EFHD2: variants seen among roughly 807,000 people sequenced by gnomAD.
EFHD2 encodes the protein EF-hand domain family member D2.
A neutral mutation model predicts 20.3 loss-of-function variants in EFHD2; 12 were observed. The ratio of observed to expected loss-of-function variants is 0.59; its 90% CI spans 0.38 to 0.96. The LOEUF (loss-of-function observed/expected upper bound fraction) is 0.96. Ranked by LOEUF, EFHD2 falls within the 40% of genes least tolerant of loss-of-function variation. The probability of loss-of-function intolerance (pLI) is 0.00; values close to 1 mark genes in which losing one functional copy is unlikely to be tolerated. For synonymous variants in EFHD2, 131 were observed against 143.9 expected (o/e 0.91, Z 0.64); for missense variants, 250 against 334.3 (o/e 0.75, Z 1.97).
At chr1:15,425,718 G>C (rs1330880227) in intron 1 of EFHD2, among the ~76,000 whole-genome samples, 153 bp from the exon 2 acceptor site, 1 of 152,054 alleles carries the variant, frequency 6.6e-6, no homozygotes, top group Non-Finnish European at 1.5e-5. Context: ...AGCCACATAT[G>C]GGTCCTCTGC....
chr1:15,414,062 C>T (rs1707602426), intron 1 of EFHD2, among the ~76,000 whole-genome samples: 1 of 152,188 alleles, frequency 6.6e-6, no homozygotes, highest in Non-Finnish European at 1.5e-5. Context: ...AGCGGGGGCT[C>T]TGGAGGGTTT....
chr1:15,419,470 G>A lies in EFHD2; in HGVS notation c.309-6401G>A, dbSNP rs540988854. 5.9e-5 allele frequency among the ~76,000 whole-genome samples: 9 copies of A among 152,332 alleles called. No homozygotes were observed. The South Asian group carries it at 1.9e-3, about 32-fold the overall frequency. ...GGCACCAAGCTGGGCTCTCAGTCCA[G>A]CCTCCACTGGCCCTGCAAGCTTGAG... On this transcript the variant is annotated intron_variant, in intron 1 of 3. Coordinates refer to ENST00000375980, the MANE Select transcript of EFHD2 (RefSeq NM_024329.6).
chr1:15,428,155 G>A (rs951593364), intron 3 of EFHD2: 60 of 369,168 alleles, frequency 1.6e-4, no homozygotes, highest in Non-Finnish European at 2.8e-4. Flanking sequence ...TTGTGTTGCT[G>A]GGCAGGACTC....
At position 15,426,038 on chromosome 1, in the gene EFHD2, C is replaced by G; in HGVS notation, c.456+20C>G. 3 of 1,553,896 alleles carry G rather than the reference C, an allele frequency of 1.9e-6. No individual in the cohort carries two copies. The highest frequency in any genetic ancestry group is 2.6e-6 in the Non-Finnish European group (3 of 1,153,952). ...CGGGAGGTAAGCCCGGCCCCCAGCC[C>G]CACTCCCCTACCAGGGGCTTCACCT... On this transcript the variant is annotated intron_variant, in intron 2 of 3. Coordinates refer to ENST00000375980, the MANE Select transcript of EFHD2 (RefSeq NM_024329.6). This position sits in a 1 kb window ranked among gnomAD's most constrained non-coding sequence, Gnocchi z 4.6.
intron 1 of EFHD2, among the ~76,000 whole-genome samples, chr1:15,423,717 C>T (rs966879173): frequency 2.0e-5 from 3 of 152,084 alleles, no homozygotes; most frequent in Non-Finnish European, 4.4e-5. Context: ...CTAGAGAAGG[C>T]GAAAGGAGCT....
At chr1:15,422,558 A>C (rs1328872078) in intron 1 of EFHD2, among the ~76,000 whole-genome samples, 1 of 151,306 alleles carries the variant, frequency 6.6e-6, no homozygotes, top group African/African-American at 2.4e-5. Flanking sequence ...CATGCACCCC[A>C]GCTTAAGAGA....
chr1:15,412,717 G>A lies in EFHD2; in HGVS notation c.308+2438G>A, dbSNP rs542264756. 2.6e-5 allele frequency among the ~76,000 whole-genome samples: 4 copies of A among 152,322 alleles called. No individual in the cohort carries two copies. The South Asian group carries it at 8.3e-4, about 32-fold the overall frequency. On this transcript the variant is annotated intron_variant, in intron 1 of 3. Coordinates refer to ENST00000375980, the MANE Select transcript of EFHD2 (RefSeq NM_024329.6). ...GAGAACCCAGACACTTCAAATGAGC[G>A]GGACTTGGGAGGCTGCAGTGTGGTT...
intron 1 of EFHD2, 31 bp downstream of exon 1, chr1:15,410,310 C>T (rs746112375): frequency 3.9e-6 from 6 of 1,551,598 alleles, no homozygotes; most frequent in African/African-American, 1.4e-5. Flanking sequence ...GCCCCCCGCC[C>T]GCCCCGCGAC....
At chr1:15,417,313 G>A (rs75937809) in intron 1 of EFHD2, among the ~76,000 whole-genome samples, 1 of 152,166 alleles carries the variant, frequency 6.6e-6, no homozygotes, top group Non-Finnish European at 1.5e-5. Flanking sequence ...TAAACACTGG[G>A]TTATGTTAAT....
intron 1 of EFHD2, among the ~76,000 whole-genome samples, chr1:15,415,544 A>C (rs879639646): frequency 1.3e-5 from 2 of 149,854 alleles, no homozygotes; most frequent in Non-Finnish European, 3.0e-5. Flanking sequence ...GCTGAAGTAC[A>C]GTGGCATGAT....
At chr1:15,422,756 G>A (rs1039886106) in intron 1 of EFHD2, among the ~76,000 whole-genome samples, 3 of 152,222 alleles carry the variant, frequency 2.0e-5, no homozygotes, top group Middle Eastern at 3.4e-3. Flanking sequence ...AGCTACTCAG[G>A]AGGCTGAGGC....
Position 15,410,178 on chromosome 1 carries a change from C to G in EFHD2, c.207C>G (p.Ile69Met), listed in dbSNP as rs748684556. 2.5e-6 allele frequency: 4 copies of G among 1,604,916 alleles called. No individual in the cohort carries two copies. In the African/African-American group the frequency reaches 5.4e-5, roughly 22 times the overall value. Residue 69 changes from isoleucine (I) to methionine (M), a missense_variant, in exon 1 of 4, where the codon ATC becomes ATG. Transcript: ENST00000375980. ...GGCGCGCAGACCTCAACCAGGGCAT[C>G]GGCGAGCCCCAGTCGCCCAGCCGCC... ...LLRRADLNQG[I>M]GEPQSPSRRV... is the part of the protein sequence containing the mutation.
rs560939638 is a variant in EFHD2 at position 15,427,777 on chromosome 1, C to A, written c.591+493C>A. On this transcript the variant is annotated intron_variant, in intron 3 of 3. Transcript: ENST00000375980. ...TAGTGGCTCCTGGGTCCTGCCCACC[C>A]GGGGCCCCAGCTCTCCCGCCTTGTT... 1.5e-3 allele frequency: 600 copies of A among 387,848 alleles called. 2 individuals carry two copies. Among genetic ancestry groups the A allele is most frequent in the Non-Finnish European group, 2.8e-3 (530 of 190,054 alleles). 24.0% of individuals were successfully genotyped at this position (387,848 alleles called of 1,614,324 possible).
intron 1 of EFHD2, among the ~76,000 whole-genome samples, chr1:15,414,542 C>T (rs930644959): frequency 6.6e-6 from 1 of 152,392 alleles, no homozygotes; most frequent in African/African-American, 2.4e-5. Flanking sequence ...AAATGACTGT[C>T]ACCGCCATCC....
rs563360557 is a variant in EFHD2 at position 15,410,284 on chromosome 1, G to C, written c.308+5G>C. On this transcript the variant is annotated splice_donor_5th_base_variant and intron_variant, in intron 1 of 3. Coordinates refer to ENST00000375980, the MANE Select transcript of EFHD2 (RefSeq NM_024329.6). The stretch of plus-strand genomic sequence containing the variant: ...CATGGAGAAGATGTTCAAGCAGTAA[G>C]TGCCCGCGCGACCCGGCCCCCCGCC... 6.3e-7 allele frequency: 1 copy of C among 1,589,660 alleles called. No individual in the cohort carries two copies. The highest frequency in any genetic ancestry group is 1.1e-5 in the South Asian group (1 of 88,350).
chr1:15,411,009 G>A (rs1007345311), intron 1 of EFHD2, among the ~76,000 whole-genome samples: 2 of 152,022 alleles, frequency 1.3e-5, no homozygotes, highest in Non-Finnish European at 2.9e-5. Flanking sequence ...TCCTTAGGAA[G>A]GGACCCCTCG....
intron 1 of EFHD2, among the ~76,000 whole-genome samples, chr1:15,411,415 G>C (rs910472689): frequency 1.3e-5 from 2 of 152,172 alleles, no homozygotes; most frequent in Admixed American, 6.5e-5. Context: ...CTCTGTGGAG[G>C]GGCTAGGGAG....
At chr1:15,419,646 G>A (rs1005097415) in intron 1 of EFHD2, among the ~76,000 whole-genome samples, 2 of 152,180 alleles carry the variant, frequency 1.3e-5, no homozygotes, top group African/African-American at 2.4e-5. Context: ...AATGTAAAAC[G>A]GGTAGACCAG....
At position 15,413,364 on chromosome 1, in the gene EFHD2, C is replaced by T. The variant is rs1707580214; in HGVS notation, c.308+3085C>T. Among the ~76,000 whole-genome samples the T allele has an allele frequency of 6.6e-6, 1 of 152,202 alleles. No homozygotes were observed. The highest frequency in any genetic ancestry group is 2.4e-5 in the African/African-American group (1 of 41,448). On this transcript the variant is annotated intron_variant, in intron 1 of 3. Transcript: ENST00000375980. The surrounding 1 kb of genome is among the most constrained non-coding windows in gnomAD (Gnocchi z 4.4). Reference sequence around the variant, plus strand: ...TAGTCTGCTTGTCCTCCCTGGGCCTCAGTCTACCCACCTGTAAAAGGGGCA... The same window carrying T: ...TAGTCTGCTTGTCCTCCCTGGGCCTTAGTCTACCCACCTGTAAAAGGGGCA...
Sources: gnomAD v4.1 joint callset for allele counts (sites outside exome capture counted in the v4.1 genomes callset) on GRCh38, gnomAD v4.1.1 for gene constraint, Gnocchi (gnomAD v3.1) non-coding constraint, MANE v1.5 for transcripts, NCBI Gene and HGNC (gene_info 2026-07-23, HGNC 2026-07-21) for gene names.